Variants in SYT16 observed in about 807,000 individuals in gnomAD.
SYT16 encodes synaptotagmin-16.
Under a neutral mutation model 61.4 loss-of-function variants are expected in SYT16, and 42 were observed. That is an observed-to-expected ratio of 0.68 (90% CI 0.53 to 0.89). SYT16 has a LOEUF of 0.89. Ranked by LOEUF, SYT16 falls within the 40% of genes least tolerant of loss-of-function variation. The pLI is 0.00. For synonymous variants in SYT16, 314 were observed against 302.3 expected, an observed-to-expected ratio of 1.04 and a Z score of -0.40; for missense variants, 804 against 807.3, an observed-to-expected ratio of 1.00 and a Z score of 0.05.
chr14:62,018,596 C>T (rs907671928), intron 3 of SYT16, among the ~76,000 whole-genome samples: 1 of 152,118 alleles, frequency 6.6e-6, no homozygotes, highest in Non-Finnish European at 1.5e-5. Flanking sequence ...CATGAGCCAT[C>T]GTGCCTGGTC....
At chr14:61,846,765 G>A (rs1255257276) in intron 1 of SYT16, among the ~76,000 whole-genome samples, 1 of 150,462 alleles carries the variant, frequency 6.6e-6, no homozygotes, top group Non-Finnish European at 1.5e-5. Context: ...TTTAGTGAAG[G>A]TAATTTTTTT....
chr14:61,992,702 A>G (rs778091468), intron 2 of SYT16, among the ~76,000 whole-genome samples: 5 of 151,942 alleles, frequency 3.3e-5, no homozygotes, highest in Non-Finnish European at 5.9e-5. Flanking sequence ...ACTTTATCCT[A>G]TAGGGTGGGG....
At chr14:62,002,534 G>A (rs1043927850) in intron 3 of SYT16, among the ~76,000 whole-genome samples, 4 of 152,074 alleles carry the variant, frequency 2.6e-5, no homozygotes, top group Non-Finnish European at 5.9e-5. Flanking sequence ...GTTTCCTGCT[G>A]TTGTAGAGTG....
chr14:61,844,359 A>G (rs966434062), intron 1 of SYT16, among the ~76,000 whole-genome samples: 1 of 152,060 alleles, frequency 6.6e-6, no homozygotes, highest in East Asian at 1.9e-4. Flanking sequence ...TTCCTTTCCA[A>G]TTTGGATGCC....
rs2056937154 is a variant in SYT16 at position 62,087,816 on chromosome 14, G to T, written c.1624+3431G>T. On this transcript the variant is annotated intron_variant, in intron 7 of 7. Coordinates refer to ENST00000683842, the MANE Select transcript of SYT16 (RefSeq NM_001367656.1). ...TTAGAAGAAATAAGCCACTGAGATAGAAACCCCCTCCCCTTCTGAGGTAAA... is the reference window on the plus strand; with the variant it reads ...TTAGAAGAAATAAGCCACTGAGATATAAACCCCCTCCCCTTCTGAGGTAAA... Among the ~76,000 whole-genome samples the T allele has an allele frequency of 2.0e-5, 3 of 152,272 alleles. No homozygotes were observed. In the South Asian group the frequency reaches 6.2e-4, roughly 32 times the overall value.
intron 1 of SYT16, among the ~76,000 whole-genome samples, chr14:61,834,864 T>C (rs895574903): frequency 6.6e-6 from 1 of 152,240 alleles, no homozygotes; most frequent in Non-Finnish European, 1.5e-5. Context: ...GTATTCCAAT[T>C]ACCTGTTGTT....
chr14:62,048,783 G>C (rs961797506), intron 3 of SYT16, among the ~76,000 whole-genome samples: 1 of 152,060 alleles, frequency 6.6e-6, no homozygotes, highest in African/African-American at 2.4e-5. Flanking sequence ...GTATTTGAGG[G>C]GTTTTGAGTG....
At chr14:61,917,669 G>A (rs1011444686) in intron 1 of SYT16, among the ~76,000 whole-genome samples, 1 of 151,966 alleles carries the variant, frequency 6.6e-6, no homozygotes, top group African/African-American at 2.4e-5. Flanking sequence ...TTGCTTAAAG[G>A]TACTTGAGTT....
chr14:61,991,953 C>CATTA (rs1491110160), intron 2 of SYT16, among the ~76,000 whole-genome samples: 10 of 41,684 alleles, frequency 2.4e-4, no homozygotes, highest in Admixed American at 4.1e-4. Context: ...TTTGTTCGTT[C>CATTA]ATTCATTCAT....
intron 1 of SYT16, among the ~76,000 whole-genome samples, chr14:61,915,835 A>G (rs2049101509): frequency 6.6e-6 from 1 of 152,226 alleles, no homozygotes; most frequent in African/African-American, 2.4e-5. Flanking sequence ...TACTTAGAAG[A>G]CCTTTACATT....
chr14:62,039,494 A>C (rs921750696), intron 3 of SYT16, among the ~76,000 whole-genome samples: 4 of 152,212 alleles, frequency 2.6e-5, no homozygotes, highest in Non-Finnish European at 5.9e-5. Context: ...ACGCAAGGAC[A>C]TGCAACCTGA....
chr14:62,056,265 G>A (rs1233132925), intron 3 of SYT16, among the ~76,000 whole-genome samples: 1 of 152,136 alleles, frequency 6.6e-6, no homozygotes, highest in East Asian at 1.9e-4. Context: ...GGGCAAGGGT[G>A]TCACCAGCCC....
At chr14:62,099,854 G>A (rs543525794) in intron 7 of SYT16, among the ~76,000 whole-genome samples, 1 of 152,046 alleles carries the variant, frequency 6.6e-6, no homozygotes, top group East Asian at 1.9e-4. Context: ...CCCCAGCCTG[G>A]GCAACGGAGC....
intron 6 of SYT16, 22 bp from the exon 7 acceptor site, chr14:62,084,174 C>A: frequency 1.9e-6 from 3 of 1,608,342 alleles, no homozygotes; most frequent in Non-Finnish European, 1.7e-6. Context: ...CCAATGGATT[C>A]TTTGTTGTTC....
chr14:62,047,193 C>A (rs918402427), intron 3 of SYT16, among the ~76,000 whole-genome samples: 2 of 152,104 alleles, frequency 1.3e-5, no homozygotes, highest in African/African-American at 4.8e-5. Context: ...CCTTCACATC[C>A]CTTGCAAGTT....
In SYT16 at chr14:61,848,049, A is replaced by G. The variant is rs558055214; in HGVS notation, c.-325+35239A>G. ...ACATATTTCTGTCTCTCTCAGATTG[A>G]CCCCTGAGGGCTTATTTAGTTTGTT... On this transcript the variant is annotated intron_variant, in intron 1 of 7. Transcript: ENST00000683842. 3.4e-4 allele frequency among the ~76,000 whole-genome samples: 51 copies of G among 151,962 alleles called. 1 individual carries two copies. The South Asian group carries it at 0.011, about 32-fold the overall frequency.
chr14:61,813,241 G>T (rs1035419325), intron 1 of SYT16, among the ~76,000 whole-genome samples: 1 of 151,954 alleles, frequency 6.6e-6, no homozygotes, highest in Non-Finnish European at 1.5e-5. Context: ...TGCATGGCTC[G>T]GCTGCCCGGT....
intron 1 of SYT16, among the ~76,000 whole-genome samples, chr14:61,820,468 AGTT>A (rs2045577787): frequency 2.1e-5 from 1 of 47,154 alleles, no homozygotes; most frequent in African/African-American, 1.0e-4. Context: ...ACCTCTTCAG[AGTT>A]TTTTTTTTTT....
At chr14:61,951,004 G>T (rs926354133) in intron 1 of SYT16, among the ~76,000 whole-genome samples, 5 of 152,258 alleles carry the variant, frequency 3.3e-5, no homozygotes, top group Non-Finnish European at 4.4e-5. Context: ...TGATAGTTTT[G>T]TTCAATGGTT....
Sources: allele counts gnomAD v4.1 joint callset (sites outside exome capture counted in the v4.1 genomes callset), GRCh38; gene constraint gnomAD v4.1.1; transcripts MANE v1.5; gene names NCBI Gene and HGNC (gene_info 2026-07-23, HGNC 2026-07-21).